Variants in MARCHF4 observed in about 807,000 individuals in gnomAD.
The protein encoded by MARCHF4 is E3 ubiquitin-protein ligase MARCHF4.
A neutral mutation model predicts 43.9 loss-of-function variants in MARCHF4; 14 were observed. The observed-to-expected ratio is 0.32, with a 90% CI of 0.21 to 0.50. The LOEUF (loss-of-function observed/expected upper bound fraction) is 0.50, where lower values mean the gene tolerates loss of function less well. Among genes scored for constraint, MARCHF4 ranks in the 20% least tolerant of loss-of-function variants. The pLI is 0.98. For synonymous variants in MARCHF4, 226 were observed against 213.3 expected, an observed-to-expected ratio of 1.06 and a Z score of -0.52; for missense variants, 468 against 536.7, an observed-to-expected ratio of 0.87 and a Z score of 1.27.
In MARCHF4 at chr2:216,368,452, T is replaced by G. The variant is rs1287212526; in HGVS notation, c.516+1293A>C. Among the ~76,000 whole-genome samples, 3 of 152,204 alleles carry G rather than the reference T, an allele frequency of 2.0e-5. 1 individual carries two copies. Among genetic ancestry groups the G allele is most frequent in the Admixed American group, 2.0e-4 (3 of 15,284 alleles). ...CCCCCAGCCTCTCAGAGACATTTAT[T>G]CACACTAAGATCTATATCACTTCCC... On this transcript the variant is annotated intron_variant, in intron 1 of 3. Transcript: ENST00000273067.
intron 2 of MARCHF4, among the ~76,000 whole-genome samples, chr2:216,280,318 T>C (rs1691107399): frequency 6.6e-6 from 1 of 151,756 alleles, no homozygotes; most frequent in Non-Finnish European, 1.5e-5. Context: ...GCAGCACCAA[T>C]GAATGGAGAG....
At chr2:216,328,537 C>T (rs907106504) in intron 1 of MARCHF4, among the ~76,000 whole-genome samples, 1 of 152,168 alleles carries the variant, frequency 6.6e-6, no homozygotes, top group African/African-American at 2.4e-5. Context: ...TGCTACATCC[C>T]AGCTTTGCCC....
intron 1 of MARCHF4, among the ~76,000 whole-genome samples, chr2:216,360,500 C>T (rs1692558891): frequency 6.7e-6 from 1 of 149,696 alleles, no homozygotes; most frequent in South Asian, 2.1e-4. Context: ...ATGTATATTA[C>T]TAAGTGAAAA....
chr2:216,277,625 G>A (rs757039753), intron 3 of MARCHF4, 47 bp downstream of exon 3: 6 of 1,531,538 alleles, frequency 3.9e-6, no homozygotes, highest in Middle Eastern at 1.8e-4. Context: ...TCCATCCCAC[G>A]AGCACATGGT....
intron 1 of MARCHF4, among the ~76,000 whole-genome samples, chr2:216,301,209 G>T (rs762942943): frequency 2.6e-5 from 4 of 152,214 alleles, no homozygotes; most frequent in Non-Finnish European, 5.9e-5. Flanking sequence ...AGCTCCAAGG[G>T]AAAGGACTCA....
chr2:216,267,963 C>T (rs527936198), intron 3 of MARCHF4, among the ~76,000 whole-genome samples: 8 of 152,160 alleles, frequency 5.3e-5, no homozygotes, highest in Non-Finnish European at 8.8e-5. Context: ...GATTGGTGGC[C>T]GTCACAGGAG....
chr2:216,261,795 A>C (rs1690747210), intron 3 of MARCHF4, among the ~76,000 whole-genome samples: 2 of 152,224 alleles, frequency 1.3e-5, no homozygotes, highest in Admixed American at 1.3e-4. Context: ...CCAAAGACAG[A>C]GCCCTGGACT....
At chr2:216,294,457 A>C (rs1691359255) in intron 1 of MARCHF4, among the ~76,000 whole-genome samples, 1 of 152,250 alleles carries the variant, frequency 6.6e-6, no homozygotes, top group Non-Finnish European at 1.5e-5. Flanking sequence ...AATGTTCCGG[A>C]TCATGGCCCC....
intron 3 of MARCHF4, among the ~76,000 whole-genome samples, chr2:216,267,342 C>T (rs931305335): frequency 6.6e-6 from 1 of 152,078 alleles, no homozygotes; most frequent in Non-Finnish European, 1.5e-5. Context: ...AAAATAAAAA[C>T]AAAGAAAAAA....
At chr2:216,296,705 A>G (rs1181341385) in intron 1 of MARCHF4, among the ~76,000 whole-genome samples, 1 of 152,246 alleles carries the variant, frequency 6.6e-6, no homozygotes, top group Non-Finnish European at 1.5e-5. Context: ...TTATAAAGAC[A>G]TTGCAGTAAA....
At chr2:216,347,824 C>CT (rs201604123) in intron 1 of MARCHF4, among the ~76,000 whole-genome samples, 75,678 of 139,578 alleles carry the variant, frequency 0.54, 20,953 homozygotes, top group East Asian at 0.78. Context: ...GCACAGGGTT[C>CT]TTTTTTTTTT....
At chr2:216,275,662 CTGTAGAGCCAT>C (rs1691007558) in intron 3 of MARCHF4, among the ~76,000 whole-genome samples, 1 of 148,984 alleles carries the variant, frequency 6.7e-6, no homozygotes, top group African/African-American at 2.6e-5. Flanking sequence ...GTCTTCAAAT[CTGTAGAGCCAT>C]TGGTGGTAGC....
chr2:216,359,597 T>G (rs1402687304), intron 1 of MARCHF4, among the ~76,000 whole-genome samples: 5 of 152,178 alleles, frequency 3.3e-5, no homozygotes, highest in African/African-American at 1.2e-4. Flanking sequence ...AAAGCTTCAG[T>G]CGCATTTGCA....
chr2:216,272,460 C>A (rs550686338), intron 3 of MARCHF4, among the ~76,000 whole-genome samples: 24 of 152,274 alleles, frequency 1.6e-4, no homozygotes, highest in African/African-American at 5.8e-4. Flanking sequence ...TAATTTCCCC[C>A]CAACCTGCCT....
At chr2:216,262,032 T>C (rs1233005220) in intron 3 of MARCHF4, among the ~76,000 whole-genome samples, 2 of 151,974 alleles carry the variant, frequency 1.3e-5, no homozygotes, top group East Asian at 3.9e-4. Context: ...GGAGGGAGAA[T>C]GATAGAAATG....
chr2:216,367,509 A>T (rs550578312), intron 1 of MARCHF4, among the ~76,000 whole-genome samples: 18 of 152,194 alleles, frequency 1.2e-4, no homozygotes, highest in South Asian at 2.1e-4. Flanking sequence ...CAGTACTCAC[A>T]TTGCTGTTAT....
chr2:216,277,880 T>C lies in MARCHF4; in HGVS notation c.673-16A>G, dbSNP rs1176235309. ...TGGCCTGCCACTGCAGGGGAGAGAG[T>C]GGCCAGTTAGCAGTTGCTTGGATGC... On this transcript the variant is annotated splice_polypyrimidine_tract_variant and intron_variant, in intron 2 of 3. Transcript: ENST00000273067. 1 of 1,595,198 alleles carries C rather than the reference T, an allele frequency of 6.3e-7. No homozygotes were observed. The highest frequency in any genetic ancestry group is 1.7e-5 in the Admixed American group (1 of 59,478).
intron 1 of MARCHF4, among the ~76,000 whole-genome samples, chr2:216,335,542 A>C (rs2105971525): frequency 6.6e-6 from 1 of 152,358 alleles, no homozygotes; most frequent in East Asian, 1.9e-4. Context: ...CAGAGGAAAC[A>C]ATACCATCTA....
chr2:216,286,339 G>C (rs1691218169), intron 1 of MARCHF4, among the ~76,000 whole-genome samples: 1 of 152,128 alleles, frequency 6.6e-6, no homozygotes, highest in Non-Finnish European at 1.5e-5. Flanking sequence ...AGGGGTTCAA[G>C]ACCAGCCTGG....
Sources: allele counts gnomAD v4.1 joint callset (sites outside exome capture counted in the v4.1 genomes callset), GRCh38; gene constraint gnomAD v4.1.1; transcripts MANE v1.5; gene names NCBI Gene and HGNC (gene_info 2026-07-23, HGNC 2026-07-21).